The following SPOCK1 variants were observed in gnomAD, a reference collection of about 807,000 sequenced individuals.
The protein encoded by SPOCK1 is SPARC (osteonectin), cwcv and kazal like domains proteoglycan 1, also known as testican-1.
A neutral mutation model predicts 55.3 loss-of-function variants in SPOCK1; 23 were observed. The observed-to-expected ratio is 0.42, with a 90% confidence interval of 0.30 to 0.59. SPOCK1 has a LOEUF of 0.59. Ranked by LOEUF, SPOCK1 falls within the 20% of genes least tolerant of loss-of-function variation. The pLI is 0.22. For missense variants in SPOCK1, 499 were observed against 552.5 expected (o/e 0.90, Z 0.97); for synonymous variants, 226 against 221.0 (o/e 1.02, Z -0.20).
chr5:137,377,580 AT>A (rs1179450800), intron 2 of SPOCK1, among the ~76,000 whole-genome samples: 3 of 152,190 alleles, frequency 2.0e-5, no homozygotes, highest in East Asian at 3.9e-4. Flanking sequence ...TGTTCCTGTT[AT>A]TTTTTTTAAT....
intron 5 of SPOCK1, among the ~76,000 whole-genome samples, chr5:137,089,796 C>G (rs114317477): frequency 2.6e-5 from 4 of 152,150 alleles, no homozygotes; most frequent in Admixed American, 1.3e-4. Flanking sequence ...ATTGAGAATA[C>G]ATTTTTAGAA....
chr5:137,158,799 C>A (rs1342227475), intron 3 of SPOCK1, among the ~76,000 whole-genome samples: 1 of 151,830 alleles, frequency 6.6e-6, no homozygotes, highest in Non-Finnish European at 1.5e-5. Flanking sequence ...GTGAGAAGAC[C>A]CCCAAGCAAA....
intron 6 of SPOCK1, among the ~76,000 whole-genome samples, chr5:137,008,863 A>C (rs1281111619): frequency 1.3e-5 from 2 of 152,160 alleles, no homozygotes; most frequent in African/African-American, 4.8e-5. Flanking sequence ...GGAGAAATGA[A>C]GGGGAGGCTA....
intron 2 of SPOCK1, among the ~76,000 whole-genome samples, chr5:137,456,167 C>T (rs1420393755): frequency 6.6e-6 from 1 of 152,132 alleles, no homozygotes; most frequent in Non-Finnish European, 1.5e-5. Flanking sequence ...GGGTCCACAG[C>T]CTGAATCTGA....
chr5:137,023,958 G>GTT (rs1554093439), intron 6 of SPOCK1, among the ~76,000 whole-genome samples: 1 of 71,630 alleles, frequency 1.4e-5, no homozygotes, highest in African/African-American at 3.6e-5. Flanking sequence ...TGTCAATATA[G>GTT]TATTTTTTTT....
chr5:137,240,607 C>T (rs1178146147), intron 3 of SPOCK1, among the ~76,000 whole-genome samples: 1 of 152,176 alleles, frequency 6.6e-6, no homozygotes, highest in Non-Finnish European at 1.5e-5. Flanking sequence ...AACTATATCA[C>T]ACAGGAAGAC....
At chr5:137,064,891 C>G (rs941548546) in intron 6 of SPOCK1, among the ~76,000 whole-genome samples, 1 of 152,120 alleles carries the variant, frequency 6.6e-6, no homozygotes, top group Non-Finnish European at 1.5e-5. Flanking sequence ...CTCACTCCCC[C>G]AAATGTGTTC....
chr5:137,245,267 CA>C (rs55638003), intron 3 of SPOCK1, among the ~76,000 whole-genome samples: 18,697 of 151,896 alleles, frequency 0.12, 1,362 homozygotes, highest in East Asian at 0.25. Flanking sequence ...TTAAAAAAAT[CA>C]ATCATCTTTT....
At chr5:136,985,088 A>G (rs571976457) in intron 9 of SPOCK1, 52 bp downstream of exon 9, 1 of 1,526,556 alleles carries the variant, frequency 6.6e-7, no homozygotes, top group East Asian at 2.3e-5. Flanking sequence ...ATTACAAGGG[A>G]CATGGCTGGC....
chr5:137,387,259 C>T (rs764434108), intron 2 of SPOCK1, among the ~76,000 whole-genome samples: 9 of 152,240 alleles, frequency 5.9e-5, no homozygotes, highest in Non-Finnish European at 1.2e-4. Context: ...AGTAAACACA[C>T]TCTCACCACA....
chr5:137,106,445 G>A (rs1300509927), intron 5 of SPOCK1, among the ~76,000 whole-genome samples: 1 of 152,126 alleles, frequency 6.6e-6, no homozygotes, highest in Admixed American at 6.5e-5. Context: ...GATGGTCCAG[G>A]ACAAAACCAC....
At chr5:137,160,310 T>C (rs954320560) in intron 3 of SPOCK1, among the ~76,000 whole-genome samples, 4 of 135,850 alleles carry the variant, frequency 2.9e-5, no homozygotes, top group African/African-American at 8.1e-5. Context: ...TATGGCTGCA[T>C]AGTATTCCAT....
At chr5:137,046,304 G>A (rs1197301090) in intron 6 of SPOCK1, among the ~76,000 whole-genome samples, 8 of 124,348 alleles carry the variant, frequency 6.4e-5, no homozygotes, top group African/African-American at 1.5e-4. Context: ...ATTTGTTTGT[G>A]TCCTCTTTTA....
At chr5:137,174,909 T>C (rs937051810) in intron 3 of SPOCK1, among the ~76,000 whole-genome samples, 1 of 152,072 alleles carries the variant, frequency 6.6e-6, no homozygotes, top group Non-Finnish European at 1.5e-5. Context: ...CACCCCTCAC[T>C]CTAGAAATAA....
At chr5:137,423,751 C>T (rs1278581441) in intron 2 of SPOCK1, among the ~76,000 whole-genome samples, 1 of 152,204 alleles carries the variant, frequency 6.6e-6, no homozygotes. Flanking sequence ...GATGCCTCGC[C>T]CTGCTTCAGC....
At chr5:137,264,113 C>G (rs1347945744) in intron 3 of SPOCK1, among the ~76,000 whole-genome samples, 1 of 152,004 alleles carries the variant, frequency 6.6e-6, no homozygotes, top group Admixed American at 6.6e-5. Flanking sequence ...AGCTGGAGAG[C>G]TGAATTGATA....
intron 6 of SPOCK1, among the ~76,000 whole-genome samples, chr5:137,011,197 T>C (rs1751342617): frequency 6.6e-6 from 1 of 152,206 alleles, no homozygotes; most frequent in Non-Finnish European, 1.5e-5. Context: ...CTTCAGAGCA[T>C]TGAAGAAAAC....
chr5:136,984,759 A>G (rs1438954102), intron 9 of SPOCK1, among the ~76,000 whole-genome samples: 1 of 152,142 alleles, frequency 6.6e-6, no homozygotes, highest in Non-Finnish European at 1.5e-5. Flanking sequence ...TCAACAGACA[A>G]TCCTATCCGG....
At chr5:137,249,242 C>T (rs2127105049) in intron 3 of SPOCK1, among the ~76,000 whole-genome samples, 1 of 152,278 alleles carries the variant, frequency 6.6e-6, no homozygotes, top group South Asian at 2.1e-4. Context: ...GTAGTGGTTT[C>T]ACTTCTAGGA....
Sources: gnomAD v4.1 joint callset for allele counts (sites outside exome capture counted in the v4.1 genomes callset) on GRCh38, gnomAD v4.1.1 for gene constraint, MANE v1.5 for transcripts, NCBI Gene and HGNC (gene_info 2026-07-23, HGNC 2026-07-21) for gene names.